Variants in SPATA6 observed in about 807,000 individuals in gnomAD.
SPATA6 encodes the protein spermatogenesis associated 6.
Under a neutral mutation model 65.3 loss-of-function variants are expected in SPATA6, and 56 were observed. The observed-to-expected ratio is 0.86, with a 90% CI of 0.69 to 1.07. The LOEUF is 1.07. Among genes scored for constraint, SPATA6 ranks in the 50% least tolerant of loss-of-function variants. The pLI is 0.00. For missense variants in SPATA6, 590 were observed against 594.8 expected (o/e 0.99, Z 0.08); for synonymous variants, 199 against 213.2 (o/e 0.93, Z 0.58).
chr1:48,291,024 C>A (rs908418082), downstream of SPATA6, among the ~76,000 whole-genome samples: 2 of 152,160 alleles, frequency 1.3e-5, no homozygotes, highest in Admixed American at 1.3e-4. Context: ...AACTCTCCAC[C>A]CCAAATCAAC....
intron 9 of SPATA6, among the ~76,000 whole-genome samples, chr1:48,375,790 T>C (rs563532313): frequency 4.6e-5 from 7 of 152,292 alleles, no homozygotes; most frequent in Non-Finnish European, 8.8e-5. Flanking sequence ...CTTTAAATTA[T>C]ACACTTATTT....
chr1:48,277,534 AC>A, the SPATA6 span, among the ~76,000 whole-genome samples: 1 of 152,214 alleles, frequency 6.6e-6, no homozygotes, highest in Non-Finnish European at 1.5e-5. Context: ...TATATCCCGC[AC>A]TTGGCTCGGA....
At chr1:48,299,449 G>T (rs1163832918) in intron 12 of SPATA6, among the ~76,000 whole-genome samples, 1 of 141,242 alleles carries the variant, frequency 7.1e-6, no homozygotes, top group African/African-American at 2.6e-5. Context: ...GGGAGGCAGA[G>T]GTTGCAGTGA....
chr1:48,286,020 A>G, the SPATA6 span, among the ~76,000 whole-genome samples: 2 of 152,182 alleles, frequency 1.3e-5, no homozygotes, highest in East Asian at 3.9e-4. Context: ...ATTCTGTTCC[A>G]CTGATCCATG....
intron 11 of SPATA6, among the ~76,000 whole-genome samples, chr1:48,341,040 T>C (rs1646201012): frequency 6.6e-6 from 1 of 152,198 alleles, no homozygotes; most frequent in Non-Finnish European, 1.5e-5. Flanking sequence ...ATTCACACCC[T>C]GTGGAACACT....
downstream of SPATA6, among the ~76,000 whole-genome samples, chr1:48,292,014 A>G (rs1238017270): frequency 2.0e-5 from 3 of 152,212 alleles, no homozygotes; most frequent in Non-Finnish European, 4.4e-5. Context: ...CCAAGCATCT[A>G]AAGGACAATT....
At chr1:48,354,003 A>T (rs552698481) in intron 11 of SPATA6, among the ~76,000 whole-genome samples, 1 of 152,116 alleles carries the variant, frequency 6.6e-6, no homozygotes, top group Non-Finnish European at 1.5e-5. Context: ...TCATATGAAG[A>T]ATCTACAAAG....
intron 3 of SPATA6, among the ~76,000 whole-genome samples, chr1:48,432,864 C>T (rs78649981): frequency 0.015 from 2,209 of 152,190 alleles, 53 homozygotes; most frequent in African/African-American, 0.05. Context: ...ATAACTAAAA[C>T]GTGGAAGCAA....
At chr1:48,370,061 CAT>C (rs1373599814) in intron 9 of SPATA6, among the ~76,000 whole-genome samples, 2 of 152,144 alleles carry the variant, frequency 1.3e-5, no homozygotes, top group African/African-American at 4.8e-5. Context: ...GTTGACAAAT[CAT>C]ATTATTGGCC....
chr1:48,411,505 A>G lies in SPATA6; in HGVS notation c.364T>C (p.Ser122Pro). The change falls in exon 5 of 13, where the codon TCA becomes CCA. Residue 122 changes from serine to proline, a missense_variant. By Grantham distance (74) the Ser-to-Pro change is moderately conservative. Coordinates refer to ENST00000371847, the MANE Select transcript of SPATA6 (RefSeq NM_019073.4). Reference protein sequence around the residue: ...GPNQMSGHHDSNRQVTMRRIS... With the variant: ...GPNQMSGHHDPNRQVTMRRIS... ...CTCCTCATGGTAACCTGGCGGTTTG[A>G]ATCATGGTGTCCAGACATTTGGTTT... 1.2e-6 allele frequency: 2 copies of G among 1,610,904 alleles called. No individual in the cohort carries two copies. The highest frequency in any genetic ancestry group is 1.7e-6 in the Non-Finnish European group (2 of 1,178,606).
rs1557517160 is a variant in SPATA6, at chr1:48,297,158, G to GTGTA, written c.*1554_*1555insTACA. The GTGTA allele has an allele frequency of 6.9e-6, 1 of 145,300 alleles. No homozygotes were observed. Among genetic ancestry groups the GTGTA allele is most frequent in the Admixed American group, 6.8e-5 (1 of 14,752 alleles). 9.0% of individuals were successfully genotyped at this position (145,300 alleles called of 1,614,324 possible). A position where few individuals can be genotyped will look rare whatever the true frequency, so the allele number is the denominator to read the frequency against. On this transcript the variant is annotated 3_prime_UTR_variant, in exon 13 of 13. Coordinates refer to ENST00000371847, the MANE Select transcript of SPATA6 (RefSeq NM_019073.4). ...TGTGTGTGTGTGTGTGTGTGTGTGTGTGTGTATGTGTGTAGCAAACAGATT... is the reference window on the plus strand; with the variant it reads ...TGTGTGTGTGTGTGTGTGTGTGTGTGTGTATGTGTATGTGTGTAGCAAACAGATT...
intron 11 of SPATA6, among the ~76,000 whole-genome samples, chr1:48,317,050 A>G (rs1050028115): frequency 6.6e-6 from 1 of 152,250 alleles, no homozygotes; most frequent in Non-Finnish European, 1.5e-5. Flanking sequence ...AAAGATGTGA[A>G]GAAATAGGAA....
At chr1:48,417,027 A>G (rs572821762) in intron 3 of SPATA6, among the ~76,000 whole-genome samples, 51 of 152,330 alleles carry the variant, frequency 3.3e-4, no homozygotes, top group Non-Finnish European at 6.2e-4. Flanking sequence ...TCCCTCTGAG[A>G]TAAAGAGTAA....
intron 9 of SPATA6, among the ~76,000 whole-genome samples, chr1:48,363,772 T>A (rs1217677044): frequency 6.6e-6 from 1 of 151,544 alleles, no homozygotes; most frequent in Non-Finnish European, 1.5e-5. Context: ...TTTTTCATGT[T>A]GCCTTTTTTC....
chr1:48,410,671 C>T (rs1652137527), intron 5 of SPATA6, among the ~76,000 whole-genome samples: 1 of 152,108 alleles, frequency 6.6e-6, no homozygotes, highest in Non-Finnish European at 1.5e-5. Context: ...GGGGAAGAGG[C>T]AAATCATCTT....
chr1:48,356,125 A>G (rs1377096879), intron 10 of SPATA6, among the ~76,000 whole-genome samples: 1 of 152,204 alleles, frequency 6.6e-6, no homozygotes, highest in Non-Finnish European at 1.5e-5. Flanking sequence ...AGACAAAAAT[A>G]TCTACAATTT....
At chr1:48,457,712 A>G (rs1037685894) in intron 1 of SPATA6, among the ~76,000 whole-genome samples, 2 of 152,224 alleles carry the variant, frequency 1.3e-5, no homozygotes, top group Non-Finnish European at 1.5e-5. Flanking sequence ...GAGATAGCTC[A>G]TCACTAGCAG....
chr1:48,449,691 T>A (rs549126687), intron 3 of SPATA6, among the ~76,000 whole-genome samples: 2 of 152,336 alleles, frequency 1.3e-5, no homozygotes, highest in Admixed American at 6.5e-5. Flanking sequence ...AACAAATCGA[T>A]TGCAAAAAGA....
chr1:48,429,333 A>G lies in SPATA6; in HGVS notation c.239-16182T>C, dbSNP rs1377054900. ...GGGAGCCTTAAAGAATAAGACATTG[A>G]AAAACAACTGCATATACAGAGAAAA... is the stretch of plus-strand genomic sequence containing the variant. On this transcript the variant is annotated intron_variant, in intron 3 of 12. Coordinates refer to ENST00000371847, the MANE Select transcript of SPATA6 (RefSeq NM_019073.4). Among the ~76,000 whole-genome samples, 5 of 152,088 alleles carry G rather than the reference A, an allele frequency of 3.3e-5. No homozygotes were observed. The East Asian group carries it at 9.6e-4, about 29-fold the overall frequency.
Sources: allele counts gnomAD v4.1 joint callset (sites outside exome capture counted in the v4.1 genomes callset), GRCh38; gene constraint gnomAD v4.1.1; transcripts MANE v1.5; gene names NCBI Gene and HGNC (gene_info 2026-07-23, HGNC 2026-07-21).